The following SLCO1B1 variants were observed in gnomAD, a reference collection of about 807,000 sequenced individuals.
SLCO1B1 encodes the protein OATP-2.
SLCO1B1 carries 81 observed loss-of-function variants against 70.1 expected under a neutral mutation model. The observed-to-expected ratio is 1.16, with a 90% CI of 0.97 to 1.39. SLCO1B1 has a LOEUF of 1.39. SLCO1B1 is among the 40% of genes most tolerant of loss of function. The pLI is 0.00. For synonymous variants in SLCO1B1, 283 were observed against 271.5 expected, an observed-to-expected ratio of 1.04 and a Z score of -0.42; for missense variants, 895 against 799.6, an observed-to-expected ratio of 1.12 and a Z score of -1.44.
At chr12:21,149,319 C>T (rs1312386339) in intron 2 of SLCO1B1, among the ~76,000 whole-genome samples, 4 of 152,164 alleles carry the variant, frequency 2.6e-5, no homozygotes, top group African/African-American at 9.7e-5. Context: ...AAAGGGAATG[C>T]TTCCAGCTTT....
intron 1 of SLCO1B1, among the ~76,000 whole-genome samples, chr12:21,138,991 A>G (rs1940269391): frequency 6.6e-6 from 1 of 152,124 alleles, no homozygotes; most frequent in African/African-American, 2.4e-5. Flanking sequence ...GATAAATATG[A>G]TATGCATAGG....
At chr12:21,229,111 AAAATTG>A (rs1346586046) in intron 14 of SLCO1B1, among the ~76,000 whole-genome samples, 1 of 152,210 alleles carries the variant, frequency 6.6e-6, no homozygotes, top group African/African-American at 2.4e-5. Context: ...GGATCACAGT[AAAATTG>A]AGGAGAAATT....
chr12:21,221,556 C>T (rs936629830), intron 12 of SLCO1B1, among the ~76,000 whole-genome samples: 1 of 151,684 alleles, frequency 6.6e-6, no homozygotes, highest in Non-Finnish European at 1.5e-5. Flanking sequence ...ATAAGAAATA[C>T]AAAAAAACTC....
At chr12:21,176,062 C>T (rs1332224479) in intron 4 of SLCO1B1, among the ~76,000 whole-genome samples, 2 of 152,094 alleles carry the variant, frequency 1.3e-5, no homozygotes, top group Non-Finnish European at 2.9e-5. Context: ...ATTCCCGCAA[C>T]CTCCAAGCAA....
At chr12:21,191,261 T>TA (rs34447226) in intron 7 of SLCO1B1, among the ~76,000 whole-genome samples, 133,550 of 152,020 alleles carry the variant, frequency 0.88, 59,642 homozygotes, top group Non-Finnish European at 0.97. Flanking sequence ...GTCCTTCAAT[T>TA]ATTAACACAG....
At chr12:21,143,058 CACTT>C (rs1168409387) in intron 2 of SLCO1B1, among the ~76,000 whole-genome samples, 2 of 152,054 alleles carry the variant, frequency 1.3e-5, no homozygotes, top group East Asian at 3.8e-4. Context: ...TATTTTCACT[CACTT>C]AAATTGTTAA....
At chr12:21,219,139 G>A (rs1393104087) in intron 12 of SLCO1B1, among the ~76,000 whole-genome samples, 1 of 152,130 alleles carries the variant, frequency 6.6e-6, no homozygotes, top group Non-Finnish European at 1.5e-5. Context: ...AAACAAATAA[G>A]TGAGTAAACA....
rs181214654 is a variant in SLCO1B1, at chr12:21,160,595, T to A, written c.85-12055T>A. Among the ~76,000 whole-genome samples, 5 of 151,878 alleles carry A rather than the reference T, an allele frequency of 3.3e-5. No homozygotes were observed. In the East Asian group the frequency reaches 5.8e-4, roughly 18 times the overall value. On this transcript the variant is annotated intron_variant, in intron 2 of 14. Coordinates refer to ENST00000256958, the MANE Select transcript of SLCO1B1 (RefSeq NM_006446.5). The stretch of plus-strand genomic sequence containing the variant: ...AACCTAGGCAATATCATCCTGGACA[T>A]AGGAATGGCAAAGATTTCATGACAA...
chr12:21,174,949 T>C (rs543835210), intron 4 of SLCO1B1, among the ~76,000 whole-genome samples: 1 of 152,280 alleles, frequency 6.6e-6, no homozygotes, highest in East Asian at 1.9e-4. Flanking sequence ...ATAAATAGGC[T>C]TTTTATGAAT....
At chr12:21,162,469 G>C (rs1940632706) in intron 2 of SLCO1B1, among the ~76,000 whole-genome samples, 1 of 151,988 alleles carries the variant, frequency 6.6e-6, no homozygotes, top group South Asian at 2.1e-4. Context: ...TGTTGTATAA[G>C]AGATACAAAA....
At chr12:21,143,855 G>A (rs754686571) in intron 2 of SLCO1B1, among the ~76,000 whole-genome samples, 1 of 151,992 alleles carries the variant, frequency 6.6e-6, no homozygotes, top group South Asian at 2.1e-4. Flanking sequence ...TGAGTGTCAA[G>A]CAACTGTGGA....
In SLCO1B1 at chr12:21,174,718, TAAAA is replaced by T; in HGVS notation, c.359+20_359+23del. The T allele has an allele frequency of 6.8e-7, 1 of 1,469,828 alleles. No homozygotes were observed. Among genetic ancestry groups the T allele is most frequent in the Non-Finnish European group, 9.3e-7 (1 of 1,080,436 alleles). The allele number at this position is 1,469,828 out of a possible 1,614,324, so 91.0% of individuals were successfully genotyped here. A position where few individuals can be genotyped will look rare whatever the true frequency, so the allele number is the denominator to read the frequency against. On this transcript the variant is annotated intron_variant, in intron 4 of 14. Coordinates refer to ENST00000256958, the MANE Select transcript of SLCO1B1 (RefSeq NM_006446.5). ...CATTTCTTCATGGGATAGTAAGTGT[TAAAA>T]AAAAAAAAAACCTCTGTGCCACTAT...
chr12:21,151,490 A>G (rs753684744), intron 2 of SLCO1B1, among the ~76,000 whole-genome samples: 14 of 152,150 alleles, frequency 9.2e-5, no homozygotes, highest in Non-Finnish European at 1.2e-4. Flanking sequence ...ATTTTGTGTC[A>G]GCATACATAA....
intron 11 of SLCO1B1, among the ~76,000 whole-genome samples, chr12:21,209,615 A>C (rs535603297): frequency 3.2e-4 from 48 of 152,050 alleles, no homozygotes; most frequent in Non-Finnish European, 6.3e-4. Context: ...CCAGTTCTAG[A>C]TCTCTGAGGA....
chr12:21,155,074 C>T (rs1940523591), intron 2 of SLCO1B1, among the ~76,000 whole-genome samples: 1 of 147,148 alleles, frequency 6.8e-6, no homozygotes, highest in Non-Finnish European at 1.5e-5. Flanking sequence ...TTGTGTTGAG[C>T]ATTCAATGGG....
chr12:21,175,512 G>A (rs528628911), intron 4 of SLCO1B1, among the ~76,000 whole-genome samples: 2 of 152,250 alleles, frequency 1.3e-5, no homozygotes, highest in Admixed American at 1.3e-4. Flanking sequence ...TGGAAGGAAA[G>A]AAGAGAGGAT....
At chr12:21,158,587 A>T (rs1240079458) in intron 2 of SLCO1B1, among the ~76,000 whole-genome samples, 2 of 151,946 alleles carry the variant, frequency 1.3e-5, no homozygotes, top group Non-Finnish European at 2.9e-5. Flanking sequence ...CCAGCTACTC[A>T]GGAGGCTGAG....
intron 7 of SLCO1B1, among the ~76,000 whole-genome samples, chr12:21,183,023 G>T (rs1591812205): frequency 6.6e-6 from 1 of 152,278 alleles, no homozygotes; most frequent in East Asian, 1.9e-4. Context: ...AGATTGGGGG[G>T]GTGTCCCCTA....
chr12:21,152,532 G>GGTTTTTTTTTTTTTTT (rs1321105425), intron 2 of SLCO1B1, among the ~76,000 whole-genome samples: 4 of 7,922 alleles, frequency 5.0e-4, no homozygotes, highest in Non-Finnish European at 1.8e-3. Context: ...GAGAGGAGAG[G>GGTTTTTTTTTTTTTTT]CTTTTTTTTT....
Sources: allele counts gnomAD v4.1 joint callset (sites outside exome capture counted in the v4.1 genomes callset), GRCh38; gene constraint gnomAD v4.1.1; transcripts MANE v1.5; gene names NCBI Gene and HGNC (gene_info 2026-07-23, HGNC 2026-07-21).